PARD3B: variants seen among roughly 807,000 people sequenced by gnomAD.
The protein encoded by PARD3B is partitioning defective 3 homolog B.
Under a neutral mutation model 130.2 loss-of-function variants are expected in PARD3B, and 103 were observed. The ratio of observed to expected loss-of-function variants is 0.79; its 90% CI spans 0.67 to 0.93. The LOEUF (loss-of-function observed/expected upper bound fraction) is 0.93, where lower values mean the gene tolerates loss of function less well. Ranked by LOEUF, PARD3B falls within the 40% of genes least tolerant of loss-of-function variation. The probability of loss-of-function intolerance (pLI) is 0.00; values close to 1 mark genes in which losing one functional copy is unlikely to be tolerated. For missense variants in PARD3B, 1,609 were observed against 1,499.2 expected, an observed-to-expected ratio of 1.07 and a Z score of -1.21; for synonymous variants, 583 against 553.2, an observed-to-expected ratio of 1.05 and a Z score of -0.76.
chr2:205,321,157 T>G lies in PARD3B; in HGVS notation c.2630+19456T>G, dbSNP rs2042739114. 1.3e-5 allele frequency among the ~76,000 whole-genome samples: 2 copies of G among 152,238 alleles called. No homozygotes were observed. The highest frequency in any genetic ancestry group is 1.3e-4 in the Admixed American group (2 of 15,288). On this transcript the variant is annotated intron_variant, in intron 18 of 22. Transcript: ENST00000406610. This position sits in a 1 kb window ranked among gnomAD's most constrained non-coding sequence, Gnocchi z 4.2. ...AGTTTAGAGATGATAGTTTTTGTAATATATGTTGCCAATAGACCAGCCACA... is the reference window on the plus strand; with the variant it reads ...AGTTTAGAGATGATAGTTTTTGTAAGATATGTTGCCAATAGACCAGCCACA...
chr2:205,488,776 T>C (rs997797305), intron 20 of PARD3B, among the ~76,000 whole-genome samples: 1 of 152,190 alleles, frequency 6.6e-6, no homozygotes, highest in African/African-American at 2.4e-5. Flanking sequence ...GGACATATGT[T>C]CGTTAAATGG....
intron 16 of PARD3B, among the ~76,000 whole-genome samples, chr2:205,285,510 G>A (rs1335558680): frequency 6.6e-6 from 1 of 152,074 alleles, no homozygotes. Context: ...TCATAAACCT[G>A]TTTATCTGGC....
intron 4 of PARD3B, among the ~76,000 whole-genome samples, chr2:205,099,708 T>G (rs1438611100): frequency 6.6e-6 from 1 of 152,188 alleles, no homozygotes; most frequent in Non-Finnish European, 1.5e-5. Flanking sequence ...TATGTCCTTA[T>G]AGGATGCCCT....
rs369705705 is a variant in PARD3B at position 205,144,123 on chromosome 2, A to G, written c.1435-14599A>G. Among the ~76,000 whole-genome samples the G allele has an allele frequency of 8.2e-4, 125 of 152,352 alleles. 1 individual carries two copies. In the East Asian group the frequency reaches 8.9e-3, roughly 11 times the overall value. On this transcript the variant is annotated intron_variant, in intron 10 of 22. Transcript: ENST00000406610. ...CTTGGCCATGCGAATTCATTTGGCC[A>G]ATAAGATGTTAGCAGATATCACGTG... is the stretch of plus-strand genomic sequence containing the variant.
chr2:204,734,214 T>C (rs1001866471), intron 2 of PARD3B, among the ~76,000 whole-genome samples: 9 of 152,136 alleles, frequency 5.9e-5, no homozygotes, highest in Admixed American at 5.2e-4. Flanking sequence ...ATTACAGTGA[T>C]AACATTATAT....
chr2:204,647,116 C>G (rs1262321814), intron 1 of PARD3B, among the ~76,000 whole-genome samples: 2 of 151,844 alleles, frequency 1.3e-5, no homozygotes, highest in Non-Finnish European at 3.0e-5. Context: ...AGTTGGAGAT[C>G]ATCTGTATTA....
intron 18 of PARD3B, among the ~76,000 whole-genome samples, chr2:205,375,287 A>T (rs1324683165): frequency 6.6e-6 from 1 of 152,210 alleles, no homozygotes; most frequent in Non-Finnish European, 1.5e-5. Context: ...GATAATTTGG[A>T]TATATTCCTG....
chr2:205,075,516 TA>T (rs1700989257), intron 4 of PARD3B, among the ~76,000 whole-genome samples: 1 of 151,950 alleles, frequency 6.6e-6, no homozygotes, highest in Non-Finnish European at 1.5e-5. Context: ...GAAATATATA[TA>T]TGCCTATGGG....
At chr2:205,513,972 C>T (rs2050690393) in intron 21 of PARD3B, among the ~76,000 whole-genome samples, 1 of 152,026 alleles carries the variant, frequency 6.6e-6, no homozygotes, top group African/African-American at 2.4e-5. Context: ...GGCTGTCTGT[C>T]CGCCTCCAAA....
chr2:204,795,933 G>A (rs750124170), intron 2 of PARD3B, among the ~76,000 whole-genome samples: 63 of 152,140 alleles, frequency 4.1e-4, no homozygotes, highest in African/African-American at 1.4e-3. Flanking sequence ...GTCAGGAATC[G>A]AAAATAAAAT....
intron 22 of PARD3B, among the ~76,000 whole-genome samples, chr2:205,612,616 T>C (rs2055275391): frequency 6.6e-6 from 1 of 152,216 alleles, no homozygotes; most frequent in African/African-American, 2.4e-5. Context: ...TCTTTGAACC[T>C]TAAACAGTGT....
rs2042893008 is a variant in PARD3B at position 205,325,058 on chromosome 2, T to C, written c.2630+23357T>C. ...CTCTCTCCATCTTCACTGCACTTCC[T>C]TAGTTCAAATTCTCCTAATTTCTCC... On this transcript the variant is annotated intron_variant, in intron 18 of 22. Coordinates refer to ENST00000406610, the MANE Select transcript of PARD3B (RefSeq NM_001302769.2). The surrounding 1 kb of genome is among the most constrained non-coding windows in gnomAD (Gnocchi z 4.1). 6.6e-6 allele frequency among the ~76,000 whole-genome samples: 1 copy of C among 152,174 alleles called. No individual in the cohort carries two copies. Among genetic ancestry groups the C allele is most frequent in the South Asian group, 2.1e-4 (1 of 4,822 alleles).
intron 20 of PARD3B, among the ~76,000 whole-genome samples, chr2:205,489,034 C>T (rs1371053242): frequency 6.6e-6 from 1 of 152,066 alleles, no homozygotes; most frequent in Non-Finnish European, 1.5e-5. Context: ...TTTTTCTTTG[C>T]ATGTATGTAT....
intron 3 of PARD3B, among the ~76,000 whole-genome samples, chr2:204,985,262 A>C (rs773085696): frequency 6.6e-6 from 1 of 152,056 alleles, no homozygotes; most frequent in African/African-American, 2.4e-5. Context: ...AAAGGAATGC[A>C]TTAAAGCCCA....
Position 204,943,580 on chromosome 2 carries a change from A to G in PARD3B, c.223-21572A>G, listed in dbSNP as rs913293320. ...AGGTAAATGGCTTGTGCCATGAGAA[A>G]CCAAACTGTGATTACTAGGGAAGAT... is the stretch of plus-strand genomic sequence containing the variant. On this transcript the variant is annotated intron_variant, in intron 2 of 22. Coordinates refer to ENST00000406610, the MANE Select transcript of PARD3B (RefSeq NM_001302769.2). The surrounding 1 kb of genome is among the most constrained non-coding windows in gnomAD (Gnocchi z 4.2). Among the ~76,000 whole-genome samples the G allele has an allele frequency of 1.3e-5, 2 of 152,190 alleles. No individual in the cohort carries two copies. Among genetic ancestry groups the G allele is most frequent in the African/African-American group, 4.8e-5 (2 of 41,440 alleles).
chr2:204,653,122 G>GT (rs2035537203), intron 1 of PARD3B, among the ~76,000 whole-genome samples: 1 of 150,980 alleles, frequency 6.6e-6, no homozygotes, highest in South Asian at 2.1e-4. Flanking sequence ...CTTCTTGAAG[G>GT]TGGAGGTTGG....
chr2:204,579,745 C>A (rs1472125880), intron 1 of PARD3B, among the ~76,000 whole-genome samples: 1 of 152,228 alleles, frequency 6.6e-6, no homozygotes, highest in Non-Finnish European at 1.5e-5. Flanking sequence ...CTCATTCCTC[C>A]CCTCTACCCA....
At chr2:205,449,558 C>T (rs1171718384) in intron 20 of PARD3B, among the ~76,000 whole-genome samples, 3 of 152,070 alleles carry the variant, frequency 2.0e-5, no homozygotes, top group East Asian at 1.9e-4. Flanking sequence ...TTCTAATTTT[C>T]GTAAATAATG....
intron 22 of PARD3B, among the ~76,000 whole-genome samples, chr2:205,577,753 C>T (rs2053814099): frequency 6.6e-6 from 1 of 152,040 alleles, no homozygotes; most frequent in African/African-American, 2.4e-5. Context: ...ACAGTGTCTC[C>T]AAGAGTGTTC....
Sources: gnomAD v4.1 joint callset for allele counts (sites outside exome capture counted in the v4.1 genomes callset) on GRCh38, gnomAD v4.1.1 for gene constraint, Gnocchi (gnomAD v3.1) non-coding constraint, MANE v1.5 for transcripts, NCBI Gene and HGNC (gene_info 2026-07-23, HGNC 2026-07-21) for gene names.